The following RSPO2 variants were observed in gnomAD, a reference collection of about 807,000 sequenced individuals.
The protein encoded by RSPO2 is R-spondin 2.
Under a neutral mutation model 30.9 loss-of-function variants are expected in RSPO2, and 14 were observed. The observed-to-expected ratio is 0.45, with a 90% CI of 0.30 to 0.71. The LOEUF is 0.71. Among genes scored for constraint, RSPO2 ranks in the 30% least tolerant of loss-of-function variants. The pLI is 0.08. For missense variants in RSPO2, 264 were observed against 301.9 expected, an observed-to-expected ratio of 0.87 and a Z score of 0.93; for synonymous variants, 107 against 96.4, an observed-to-expected ratio of 1.11 and a Z score of -0.64.
chr8:108,064,088 CTAGGCAATACCATTCAGGACA>C (rs1220439625), intron 2 of RSPO2, among the ~76,000 whole-genome samples: 1 of 152,106 alleles, frequency 6.6e-6, no homozygotes, highest in Non-Finnish European at 1.5e-5. Flanking sequence ...AGAAGAAAAC[CTAGGCAATACCATTCAGGACA>C]TAGGCATGGG....
chr8:107,980,775 T>C (rs574726025), intron 3 of RSPO2, among the ~76,000 whole-genome samples: 2 of 152,274 alleles, frequency 1.3e-5, no homozygotes, highest in East Asian at 3.9e-4. Context: ...ACCTGAGCCC[T>C]GCAATTTTTC....
At chr8:107,986,821 C>A (rs968789723) in intron 3 of RSPO2, among the ~76,000 whole-genome samples, 5 of 152,156 alleles carry the variant, frequency 3.3e-5, no homozygotes, top group Admixed American at 2.6e-4. Context: ...CAAACCACCA[C>A]CCCCGCCATA....
chr8:108,004,997 C>T (rs183931949), intron 2 of RSPO2, among the ~76,000 whole-genome samples: 1 of 152,146 alleles, frequency 6.6e-6, no homozygotes, highest in East Asian at 1.9e-4. Context: ...GAAATCTAAC[C>T]CAATATGATG....
chr8:107,961,711 G>T (rs921849130), intron 3 of RSPO2, among the ~76,000 whole-genome samples: 1 of 152,072 alleles, frequency 6.6e-6, no homozygotes, highest in Non-Finnish European at 1.5e-5. Flanking sequence ...GGGCATCACT[G>T]ACCTTACAAA....
intron 5 of RSPO2, among the ~76,000 whole-genome samples, chr8:107,927,462 C>A (rs1022202598): frequency 8.5e-5 from 13 of 152,238 alleles, no homozygotes; most frequent in African/African-American, 3.1e-4. Flanking sequence ...AGAGGGCATC[C>A]CTGTCTTGTG....
chr8:107,945,772 T>C (rs752406761), intron 5 of RSPO2, among the ~76,000 whole-genome samples: 3 of 152,198 alleles, frequency 2.0e-5, no homozygotes, highest in Non-Finnish European at 2.9e-5. Context: ...CAGCCACCAT[T>C]AGCCTGCCCT....
intron 5 of RSPO2, among the ~76,000 whole-genome samples, chr8:107,933,515 C>A (rs1812616197): frequency 6.6e-6 from 1 of 152,146 alleles, no homozygotes; most frequent in Non-Finnish European, 1.5e-5. Context: ...TTTTAAGTAC[C>A]ACCACATTAA....
chr8:108,003,614 G>GTT (rs1158091075), intron 2 of RSPO2, among the ~76,000 whole-genome samples: 1 of 151,676 alleles, frequency 6.6e-6, no homozygotes, highest in Non-Finnish European at 1.5e-5. Context: ...CTCTAACAAG[G>GTT]TTCTGTCTAT....
intron 5 of RSPO2, among the ~76,000 whole-genome samples, chr8:107,924,606 A>G (rs1319466233): frequency 1.3e-5 from 2 of 152,062 alleles, no homozygotes; most frequent in Non-Finnish European, 2.9e-5. Flanking sequence ...TAAATTTATT[A>G]TTATTAATGT....
chr8:108,043,755 A>C (rs1318806097), intron 2 of RSPO2, among the ~76,000 whole-genome samples: 1 of 152,114 alleles, frequency 6.6e-6, no homozygotes, highest in African/African-American at 2.4e-5. Flanking sequence ...AGGAATGTAA[A>C]AGTTCTGCAG....
chr8:108,052,036 AT>A (rs1812095170), intron 2 of RSPO2, among the ~76,000 whole-genome samples: 1 of 152,168 alleles, frequency 6.6e-6, no homozygotes, highest in South Asian at 2.1e-4. Flanking sequence ...CTATGAAAAC[AT>A]TTAGCTTTTT....
chr8:108,075,148 C>A (rs1812971718), intron 2 of RSPO2, among the ~76,000 whole-genome samples: 1 of 152,008 alleles, frequency 6.6e-6, no homozygotes, highest in South Asian at 2.1e-4. Context: ...GGATAAAAAT[C>A]CTTTATTGCC....
intron 2 of RSPO2, among the ~76,000 whole-genome samples, chr8:108,014,146 C>T: frequency 6.6e-6 from 1 of 152,134 alleles, no homozygotes; most frequent in African/African-American, 2.4e-5. Flanking sequence ...ATAAGATACA[C>T]CATCTCACGC....
intron 2 of RSPO2, among the ~76,000 whole-genome samples, chr8:108,023,806 G>C (rs1811123240): frequency 6.6e-6 from 1 of 152,168 alleles, no homozygotes; most frequent in Non-Finnish European, 1.5e-5. Flanking sequence ...AGATGGCCAG[G>C]CTTGTGTTCT....
chr8:107,967,254 T>C (rs999106238), intron 3 of RSPO2, among the ~76,000 whole-genome samples: 3 of 152,232 alleles, frequency 2.0e-5, no homozygotes, highest in Non-Finnish European at 2.9e-5. Flanking sequence ...CACTAGACTA[T>C]GGAACTTAAT....
At chr8:108,043,889 T>C (rs565504674) in intron 2 of RSPO2, among the ~76,000 whole-genome samples, 7 of 152,178 alleles carry the variant, frequency 4.6e-5, no homozygotes, top group Admixed American at 1.3e-4. Flanking sequence ...ATTATCAAAC[T>C]CAGCTTTAGA....
intron 5 of RSPO2, among the ~76,000 whole-genome samples, chr8:107,945,441 G>A (rs1813031485): frequency 6.6e-6 from 1 of 151,366 alleles, no homozygotes; most frequent in African/African-American, 2.4e-5. Flanking sequence ...GTAGAGACGG[G>A]GTTTCACCAT....
chr8:108,067,419 G>A (rs757214770), intron 2 of RSPO2, among the ~76,000 whole-genome samples: 6 of 152,116 alleles, frequency 3.9e-5, no homozygotes, highest in Middle Eastern at 3.2e-3. Context: ...TAATATCTGC[G>A]ATTTTCTTTA....
chr8:108,039,874 G>A (rs1811700899), intron 2 of RSPO2, among the ~76,000 whole-genome samples: 1 of 152,040 alleles, frequency 6.6e-6, no homozygotes, highest in East Asian at 1.9e-4. Context: ...AATGGGATTA[G>A]TGCCCTTAGA....
Sources: allele counts gnomAD v4.1 joint callset (sites outside exome capture counted in the v4.1 genomes callset), GRCh38; gene constraint gnomAD v4.1.1; transcripts MANE v1.5; gene names NCBI Gene and HGNC (gene_info 2026-07-23, HGNC 2026-07-21).